TRHDE: variants seen among roughly 807,000 people sequenced by gnomAD.
TRHDE encodes the protein thyrotropin-releasing hormone-degrading ectoenzyme.
TRHDE carries 72 observed loss-of-function variants against 125.7 expected under a neutral mutation model. The observed-to-expected ratio is 0.57, with a 90% CI of 0.47 to 0.70. The LOEUF is 0.70. TRHDE is among the 30% of genes least tolerant of loss of function. TRHDE has a pLI of 0.00. For synonymous variants in TRHDE, 509 were observed against 509.1 expected, an observed-to-expected ratio of 1.00 and a Z score of 0.00; for missense variants, 1,110 against 1,327.1, an observed-to-expected ratio of 0.84 and a Z score of 2.54.
At chr12:72,174,308 A>G (rs1876941378) in intron 2 of TRHDE, among the ~76,000 whole-genome samples, 1 of 152,214 alleles carries the variant, frequency 6.6e-6, no homozygotes, top group Non-Finnish European at 1.5e-5. Flanking sequence ...TCATAGAACC[A>G]TGAGAAAGAA....
At chr12:72,503,042 G>T (rs1354323798) in intron 6 of TRHDE, among the ~76,000 whole-genome samples, 12 of 152,090 alleles carry the variant, frequency 7.9e-5, no homozygotes, top group Admixed American at 7.9e-4. Context: ...CAATTACTTT[G>T]TAAGTGGAAC....
intron 1 of TRHDE, among the ~76,000 whole-genome samples, chr12:72,090,462 T>G (rs1279883717): frequency 6.6e-6 from 1 of 152,186 alleles, no homozygotes. Flanking sequence ...TTTACTTACT[T>G]TTTCTCCTTT....
chr12:72,499,358 G>A, intron 5 of TRHDE, 140 bp from the exon 6 acceptor site: 2 of 1,084,216 alleles, frequency 1.8e-6, no homozygotes, highest in Non-Finnish European at 2.6e-6. Flanking sequence ...CATTTTTATT[G>A]GGTTCACTTT....
chr12:72,460,365 T>C (rs1283556879), intron 3 of TRHDE, among the ~76,000 whole-genome samples: 1 of 152,174 alleles, frequency 6.6e-6, no homozygotes, highest in South Asian at 2.1e-4. Flanking sequence ...CTGTAGCCAT[T>C]ATACTGTGCA....
At chr12:72,138,506 G>A (rs1876040760) in intron 2 of TRHDE, among the ~76,000 whole-genome samples, 1 of 152,208 alleles carries the variant, frequency 6.6e-6, no homozygotes, top group Non-Finnish European at 1.5e-5. Context: ...TCTGATCTGG[G>A]AGGCAGAAAG....
intron 6 of TRHDE, among the ~76,000 whole-genome samples, chr12:72,520,487 G>A (rs182641097): frequency 3.3e-5 from 5 of 152,196 alleles, no homozygotes; most frequent in African/African-American, 7.2e-5. Context: ...GCAATGCCTC[G>A]CCCTGCTTCT....
At chr12:72,544,927 T>A (rs981685808) in intron 7 of TRHDE, among the ~76,000 whole-genome samples, 2 of 151,478 alleles carry the variant, frequency 1.3e-5, no homozygotes, top group African/African-American at 4.8e-5. Flanking sequence ...AAATTTCAAT[T>A]TAAACATATA....
chr12:72,541,707 T>A (rs1419817578), intron 6 of TRHDE, among the ~76,000 whole-genome samples: 1 of 151,380 alleles, frequency 6.6e-6, no homozygotes, highest in Non-Finnish European at 1.5e-5. Context: ...TACTATTAAC[T>A]ACACTTTACA....
chr12:72,123,876 G>A (rs1335344412), intron 2 of TRHDE, among the ~76,000 whole-genome samples: 1 of 151,984 alleles, frequency 6.6e-6, no homozygotes, highest in African/African-American at 2.4e-5. Flanking sequence ...AACTTTGTGT[G>A]TATTTTCTGG....
intron 2 of TRHDE, among the ~76,000 whole-genome samples, chr12:72,330,563 T>C (rs559374480): frequency 3.3e-5 from 5 of 152,224 alleles, no homozygotes; most frequent in African/African-American, 9.6e-5. Context: ...CTGGTGTACG[T>C]AGGCAATTGG....
chr12:72,626,365 A>T (rs1873258156), intron 15 of TRHDE, among the ~76,000 whole-genome samples: 1 of 151,908 alleles, frequency 6.6e-6, no homozygotes, highest in African/African-American at 2.4e-5. Context: ...TGTTCTTCAG[A>T]GTTACCCTCT....
At chr12:72,501,294 A>G (rs1878144469) in intron 6 of TRHDE, among the ~76,000 whole-genome samples, 1 of 152,118 alleles carries the variant, frequency 6.6e-6, no homozygotes, top group South Asian at 2.1e-4. Context: ...CAATACCTTC[A>G]GTCTTTATCC....
In TRHDE at chr12:72,562,845, T is replaced by G; in HGVS notation, c.1855-8T>G. On this transcript the variant is annotated splice_polypyrimidine_tract_variant and splice_region_variant and intron_variant, in intron 8 of 18. Transcript: ENST00000261180. ...ATAAAACTAATTTGTACATTTTTCC[T>G]TGTGAAGGCTTTAAAAAGAAATGGG... 2.0e-6 allele frequency: 3 copies of G among 1,530,278 alleles called. No individual in the cohort carries two copies. Among genetic ancestry groups the G allele is most frequent in the Non-Finnish European group, 2.6e-6 (3 of 1,138,738 alleles). The allele number at this position is 1,530,278 out of a possible 1,614,324, so 94.8% of individuals were successfully genotyped here.
intron 2 of TRHDE, among the ~76,000 whole-genome samples, chr12:72,314,573 A>C (rs1035359312): frequency 3.3e-5 from 5 of 152,198 alleles, no homozygotes; most frequent in African/African-American, 1.2e-4. Flanking sequence ...AACCAGTGTC[A>C]CTGAAGGAAA....
At chr12:72,097,440 ATTTTTT>A (rs869290442) in intron 1 of TRHDE, among the ~76,000 whole-genome samples, 6 of 21,640 alleles carry the variant, frequency 2.8e-4, no homozygotes, top group African/African-American at 5.7e-4. Context: ...TTCTCACTGA[ATTTTTT>A]TTTTTTTTTT....
intron 2 of TRHDE, among the ~76,000 whole-genome samples, chr12:72,219,273 G>A (rs1877957251): frequency 6.6e-6 from 1 of 151,626 alleles, no homozygotes; most frequent in Non-Finnish European, 1.5e-5. Flanking sequence ...GGCCAAAACT[G>A]TTTCTGAGAA....
chr12:72,440,993 G>A (rs1476498190), intron 3 of TRHDE, among the ~76,000 whole-genome samples: 1 of 151,812 alleles, frequency 6.6e-6, no homozygotes, highest in Admixed American at 6.6e-5. Flanking sequence ...TTTTTGGAGT[G>A]AAGGATATTC....
At chr12:72,495,616 T>C (rs1877882602) in intron 5 of TRHDE, among the ~76,000 whole-genome samples, 1 of 152,146 alleles carries the variant, frequency 6.6e-6, no homozygotes, top group Admixed American at 6.6e-5. Flanking sequence ...TACTTTTTTG[T>C]ACTTTTTGTT....
chr12:72,366,033 C>T (rs1871326254), intron 2 of TRHDE, among the ~76,000 whole-genome samples: 2 of 152,082 alleles, frequency 1.3e-5, no homozygotes, highest in South Asian at 4.1e-4. Flanking sequence ...CTCCTGTCAT[C>T]GTATTGCCTT....
Sources: gnomAD v4.1 joint callset for allele counts (sites outside exome capture counted in the v4.1 genomes callset) on GRCh38, gnomAD v4.1.1 for gene constraint, MANE v1.5 for transcripts, NCBI Gene and HGNC (gene_info 2026-07-23, HGNC 2026-07-21) for gene names.